The following SPATA6L variants were observed in gnomAD, a reference collection of about 807,000 sequenced individuals.
SPATA6L encodes the protein spermatogenesis associated 6-like protein.
A neutral mutation model predicts 49.2 loss-of-function variants in SPATA6L; 68 were observed. That is an observed-to-expected ratio of 1.38 (90% CI 1.14 to 1.69). The LOEUF is 1.69. Ranked by LOEUF, SPATA6L falls within the 40% of genes most tolerant of loss-of-function variation. The pLI is 0.00. For synonymous variants in SPATA6L, 198 were observed against 165.7 expected, an observed-to-expected ratio of 1.19 and a Z score of -1.50; for missense variants, 668 against 464.3, an observed-to-expected ratio of 1.44 and a Z score of -4.03.
chr9:4,642,135 C>T (rs2130637742), intron 3 of SPATA6L, among the ~76,000 whole-genome samples: 1 of 152,264 alleles, frequency 6.6e-6, no homozygotes, highest in African/African-American at 2.4e-5. Flanking sequence ...TTTTCTTTTA[C>T]ATACTTTCGT....
chr9:4,654,970 T>C (rs974719414), intron 3 of SPATA6L, among the ~76,000 whole-genome samples: 2 of 152,136 alleles, frequency 1.3e-5, no homozygotes, highest in African/African-American at 4.8e-5. Flanking sequence ...CCCTGGTCCA[T>C]ATCATTTAAA....
intron 11 of SPATA6L, among the ~76,000 whole-genome samples, chr9:4,601,186 C>T (rs992891656): frequency 1.4e-4 from 22 of 152,028 alleles, no homozygotes; most frequent in Non-Finnish European, 3.1e-4. Flanking sequence ...TTCCTTCCTT[C>T]CCTTCCCTCC....
In SPATA6L at chr9:4,626,808, G is replaced by A. The variant is rs1181415833; in HGVS notation, c.430-1242C>T. ...GAATACTATGAAGCCATGAAAAATT[G>A]TCTGGCACAAGAGTACCTGAGGACA... On this transcript the variant is annotated intron_variant, in intron 5 of 11. Transcript: ENST00000682582. The A allele has an allele frequency of 1.8e-5, 4 of 223,962 alleles. No individual in the cohort carries two copies. In the Admixed American group the frequency reaches 2.0e-4, roughly 11 times the overall value. The allele number at this position is 223,962 out of a possible 1,614,324, so 13.9% of individuals were successfully genotyped here. A position where few individuals can be genotyped will look rare whatever the true frequency, so the allele number is the denominator to read the frequency against.
chr9:4,646,538 A>G lies in SPATA6L; in HGVS notation c.226+9503T>C, dbSNP rs895310047. The stretch of plus-strand genomic sequence containing the variant: ...AACCTGGCTAGGAAGCCTAAAAAGG[A>G]AAAAATGAGATTTTAATACTTCCAA... On this transcript the variant is annotated intron_variant, in intron 3 of 11. Transcript: ENST00000682582. 4.0e-6 allele frequency: 6 copies of G among 1,493,728 alleles called. No homozygotes were observed. In the African/African-American group the frequency reaches 8.5e-5, roughly 21 times the overall value. The allele number at this position is 1,493,728 out of a possible 1,614,324, so 92.5% of individuals were successfully genotyped here.
chr9:4,640,801 A>T (rs1833869245), intron 3 of SPATA6L, among the ~76,000 whole-genome samples: 1 of 152,026 alleles, frequency 6.6e-6, no homozygotes, highest in Non-Finnish European at 1.5e-5. Context: ...AATTCCACTA[A>T]AATTATAATC....
intron 3 of SPATA6L, among the ~76,000 whole-genome samples, chr9:4,643,435 G>A (rs1412466189): frequency 6.6e-6 from 1 of 152,102 alleles, no homozygotes; most frequent in Non-Finnish European, 1.5e-5. Flanking sequence ...AGTTTAAAAG[G>A]CATGGTTCAA....
intron 4 of SPATA6L, 135 bp from the exon 5 acceptor site, chr9:4,629,303 T>G (rs1442944908): frequency 1.7e-6 from 1 of 579,990 alleles, no homozygotes; most frequent in African/African-American, 1.9e-5. Context: ...CTAAAATATA[T>G]ATGTAATAAG....
At chr9:4,657,249 C>G (rs1838492005) in intron 2 of SPATA6L, among the ~76,000 whole-genome samples, 1 of 152,096 alleles carries the variant, frequency 6.6e-6, no homozygotes, top group South Asian at 2.1e-4. Flanking sequence ...AATTTTTGTC[C>G]TACTGACTTG....
intron 5 of SPATA6L, chr9:4,627,835 A>G (rs1458727283): frequency 7.0e-6 from 9 of 1,287,160 alleles, no homozygotes; most frequent in Non-Finnish European, 9.1e-6. Context: ...ACTATTCACA[A>G]TAGCCAAGAT....
chr9:4,598,373 A>G lies in SPATA6L; in HGVS notation c.*2438T>C, dbSNP rs1279071734. Among the ~76,000 whole-genome samples, 2 of 152,238 alleles carry G rather than the reference A, an allele frequency of 1.3e-5. No homozygotes were observed. Among genetic ancestry groups the G allele is most frequent in the South Asian group, 4.1e-4 (2 of 4,830 alleles). ...CCCAAAGTAATCCAAACCCCAAAACATCACAAAATTATTCATACTATTATA... is the reference window on the plus strand; with the variant it reads ...CCCAAAGTAATCCAAACCCCAAAACGTCACAAAATTATTCATACTATTATA... On this transcript the variant is annotated 3_prime_UTR_variant, in exon 12 of 12. Coordinates refer to ENST00000682582, the MANE Select transcript of SPATA6L (RefSeq NM_001353486.2).
intron 6 of SPATA6L, among the ~76,000 whole-genome samples, chr9:4,623,225 A>G (rs936173471): frequency 6.6e-5 from 10 of 152,180 alleles, no homozygotes; most frequent in African/African-American, 2.2e-4. Flanking sequence ...GATTGCGGTG[A>G]GCTGAGATCA....
At chr9:4,664,855 C>G (rs1283153895) in intron 1 of SPATA6L, 1 of 167,102 alleles carries the variant, frequency 6.0e-6, no homozygotes, top group Non-Finnish European at 1.5e-5. Flanking sequence ...CATTTGCATT[C>G]CCACAGCATC....
intron 3 of SPATA6L, among the ~76,000 whole-genome samples, chr9:4,647,076 A>C (rs186911774): frequency 5.9e-5 from 9 of 152,298 alleles, no homozygotes; most frequent in Admixed American, 5.9e-4. Flanking sequence ...GTTAAAAAAA[A>C]AAGCATTTCA....
chr9:4,629,769 G>GTGTGTGTGTGTGTGTGTATATATA (rs1311805859), intron 4 of SPATA6L, among the ~76,000 whole-genome samples: 2 of 101,932 alleles, frequency 2.0e-5, no homozygotes, highest in African/African-American at 9.9e-5. Context: ...GTGTGTGTGT[G>GTGTGTGTGTGTGTGTGTATATATA]TATATATATA....
intron 10 of SPATA6L, among the ~76,000 whole-genome samples, 184 bp downstream of exon 10, chr9:4,605,163 C>CTG (rs1824430862): frequency 1.3e-5 from 2 of 152,150 alleles, no homozygotes; most frequent in Admixed American, 1.3e-4. Context: ...CCCTGACTCC[C>CTG]AGCCATGTCA....
intron 1 of SPATA6L, chr9:4,663,059 CCTGGTG>C (rs753555059): frequency 6.2e-7 from 1 of 1,613,972 alleles, no homozygotes; most frequent in Non-Finnish European, 8.5e-7. Flanking sequence ...TCCTGAACCA[CCTGGTG>C]CTGGCCATTC....
At chr9:4,592,854 G>C (rs961326851) in intron 13 of SPATA6L, among the ~76,000 whole-genome samples, 3 of 152,158 alleles carry the variant, frequency 2.0e-5, no homozygotes, top group African/African-American at 7.2e-5. Context: ...ATAGACTTTG[G>C]TGATGGTTTC....
At chr9:4,636,944 T>C (rs1205678737) in intron 3 of SPATA6L, among the ~76,000 whole-genome samples, 1 of 152,166 alleles carries the variant, frequency 6.6e-6, no homozygotes, top group Non-Finnish European at 1.5e-5. Flanking sequence ...TTGATCTCCC[T>C]GCCTCCATTC....
chr9:4,645,512 C>T (rs301466), intron 3 of SPATA6L, among the ~76,000 whole-genome samples: 95,730 of 151,972 alleles, frequency 0.63, 32,096 homozygotes, highest in African/African-American at 0.88. Flanking sequence ...GCTGAGCATG[C>T]TAGCTCAGGT....
Sources: gnomAD v4.1 joint callset for allele counts (sites outside exome capture counted in the v4.1 genomes callset) on GRCh38, gnomAD v4.1.1 for gene constraint, MANE v1.5 for transcripts, NCBI Gene and HGNC (gene_info 2026-07-23, HGNC 2026-07-21) for gene names.